HDDC3: variants seen among roughly 807,000 people sequenced by gnomAD.
The protein encoded by HDDC3 is HD domain containing 3.
Under a neutral mutation model 19.1 loss-of-function variants are expected in HDDC3, and 18 were observed. That is an observed-to-expected ratio of 0.94 (90% CI 0.65 to 1.40). The LOEUF is 1.40. HDDC3 is among the 40% of genes most tolerant of loss of function. The probability of loss-of-function intolerance (pLI) is 0.00; values close to 1 mark genes in which losing one functional copy is unlikely to be tolerated. For missense variants in HDDC3, 250 were observed against 228.9 expected, an observed-to-expected ratio of 1.09 and a Z score of -0.59; for synonymous variants, 107 against 99.4, an observed-to-expected ratio of 1.08 and a Z score of -0.46.
chr15:90,931,253 T>C lies in HDDC3; in HGVS notation c.*22A>G. ...GCCTGAACGAGGCTGGAGTTGTGCC[T>C]CTGGATAGCTTCAAGCACTGATCAG... On this transcript the variant is annotated 3_prime_UTR_variant, in exon 4 of 4. Transcript: ENST00000394272. 1 of 1,550,678 alleles carries C rather than the reference T, an allele frequency of 6.4e-7. No individual in the cohort carries two copies. Among genetic ancestry groups the C allele is most frequent in the Non-Finnish European group, 8.7e-7 (1 of 1,146,968 alleles).
At position 90,931,780 on chromosome 15, in the gene HDDC3, A is replaced by G; in HGVS notation, c.333T>C (p.Ser111=). ...KRLQVEQAPH[S]SPGAKLVKLA... is the part of the protein sequence containing the mutation. ...GCTTCACCAGTTTGGCCCCGGGGCT[A>G]CTGTGGGGCGCTTGCTCCACCTGCA... The change falls in exon 3 of 4, where the codon AGT becomes AGC. Residue 111 remains serine (S), a synonymous_variant. Coordinates refer to ENST00000394272, the MANE Select transcript of HDDC3 (RefSeq NM_001286451.2). The G allele has an allele frequency of 6.2e-7, 1 of 1,614,106 alleles. No individual in the cohort carries two copies. Among genetic ancestry groups the G allele is most frequent in the South Asian group, 1.1e-5 (1 of 91,076 alleles).
At position 90,932,479 on chromosome 15, in the gene HDDC3, T is replaced by G. The variant is rs1358878150; in HGVS notation, c.62A>C (p.Gln21Pro). 9 of 1,312,154 alleles carry G rather than the reference T, an allele frequency of 6.9e-6. No homozygotes were observed. Among genetic ancestry groups the G allele is most frequent in the Non-Finnish European group, 8.7e-6 (9 of 1,031,244 alleles). The allele number at this position is 1,312,154 out of a possible 1,614,324, so 81.3% of individuals were successfully genotyped here. A position where few individuals can be genotyped will look rare whatever the true frequency, so the allele number is the denominator to read the frequency against. ...CCCCTCGGGGTCCTTCCGCCGCTGC[T>G]GCCGGTGCTTGCGAGCCGCGAAGTC... Reference protein sequence around the residue: ...AADFAARKHRQQRRKDPEGTP... With the variant: ...AADFAARKHRPQRRKDPEGTP... Residue 21 changes from glutamine (Q) to proline (P), a missense_variant, in exon 1 of 4, where the codon CAG becomes CCG. Transcript: ENST00000394272.
chr15:90,931,751 G>A lies in HDDC3; in HGVS notation c.362C>T (p.Ala121Val). 6.2e-7 allele frequency: 1 copy of A among 1,614,128 alleles called. No individual in the cohort carries two copies. The highest frequency in any genetic ancestry group is 1.1e-5 in the South Asian group (1 of 91,088). ...SSPGAKLVKL[A>V]DKLYNLRDLN... Reference sequence around the variant, plus strand: ...GTCCCTCAGATTGTACAGCTTGTCTGCCAGCTTCACCAGTTTGGCCCCGGG... The same window carrying A: ...GTCCCTCAGATTGTACAGCTTGTCTACCAGCTTCACCAGTTTGGCCCCGGG... Residue 121 changes from alanine (A) to valine (V), a missense_variant, in exon 3 of 4, where the codon GCA becomes GTA. Ala to Val is a moderately conservative substitution (Grantham distance 64, BLOSUM62 0). Coordinates refer to ENST00000394272, the MANE Select transcript of HDDC3 (RefSeq NM_001286451.2).
chr15:90,932,490 G>T lies in HDDC3; in HGVS notation c.51C>A (p.Arg17=). The change falls in exon 1 of 4, where the codon CGC becomes CGA. Residue 17 remains arginine, a synonymous_variant. Transcript: ENST00000394272. The stretch of plus-strand genomic sequence containing the variant: ...CCTTCCGCCGCTGCTGCCGGTGCTT[G>T]CGAGCCGCGAAGTCGGCAGCCTCCA... ...QLLEAADFAA[R]KHRQQRRKDP... 2 of 1,309,356 alleles carry T rather than the reference G, an allele frequency of 1.5e-6. No homozygotes were observed. The highest frequency in any genetic ancestry group is 9.7e-7 in the Non-Finnish European group (1 of 1,029,906). 81.1% of individuals were successfully genotyped at this position (1,309,356 alleles called of 1,614,324 possible).
At chr15:90,931,631 G>T in intron 3 of HDDC3, 73 bp downstream of exon 3, 1 of 1,613,882 alleles carries the variant, frequency 6.2e-7, no homozygotes, top group Non-Finnish European at 8.5e-7. Context: ...TTTTTCAGGG[G>T]AACTGACCAA....
Position 90,930,139 on chromosome 15 carries a change from C to T in HDDC3, c.*1136G>A, listed in dbSNP as rs1161004786. The T allele has an allele frequency of 6.6e-6, 1 of 152,154 alleles. No individual in the cohort carries two copies. The highest frequency in any genetic ancestry group is 1.5e-5 in the Non-Finnish European group (1 of 68,016). 9.4% of individuals were successfully genotyped at this position (152,154 alleles called of 1,614,324 possible). A position where few individuals can be genotyped will look rare whatever the true frequency, so the allele number is the denominator to read the frequency against. ...CGACCGCCGGGCTCCCGGGGTCGGACAGCCCCGGGCCACTTCCGGGCCTTC... is the reference window on the plus strand; with the variant it reads ...CGACCGCCGGGCTCCCGGGGTCGGATAGCCCCGGGCCACTTCCGGGCCTTC... On this transcript the variant is annotated 3_prime_UTR_variant, in exon 4 of 4. Transcript: ENST00000394272.
chr15:90,931,176 G>T lies in HDDC3; in HGVS notation c.*99C>A. ...TTTTTTGGCCTCTAATATCTGGGAAGGATGGAGGGAGCTCAGGAGACACAG... is the reference window on the plus strand; with the variant it reads ...TTTTTTGGCCTCTAATATCTGGGAATGATGGAGGGAGCTCAGGAGACACAG... On this transcript the variant is annotated 3_prime_UTR_variant, in exon 4 of 4. Transcript: ENST00000394272. 1 of 1,401,898 alleles carries T rather than the reference G, an allele frequency of 7.1e-7. No homozygotes were observed. The highest frequency in any genetic ancestry group is 9.7e-7 in the Non-Finnish European group (1 of 1,029,126). 86.8% of individuals were successfully genotyped at this position (1,401,898 alleles called of 1,614,324 possible). A position where few individuals can be genotyped will look rare whatever the true frequency, so the allele number is the denominator to read the frequency against.
At position 90,931,273 on chromosome 15, in the gene HDDC3, G is replaced by A; in HGVS notation, c.*2C>T. On this transcript the variant is annotated 3_prime_UTR_variant, in exon 4 of 4. Coordinates refer to ENST00000394272, the MANE Select transcript of HDDC3 (RefSeq NM_001286451.2). ...GTGCCTCTGGATAGCTTCAAGCACT[G>A]ATCAGATTGTCAGCCCCCGCTGCTT... 6.4e-7 allele frequency: 1 copy of A among 1,550,596 alleles called. No homozygotes were observed. Among genetic ancestry groups the A allele is most frequent in the Non-Finnish European group, 8.7e-7 (1 of 1,146,852 alleles).
chr15:90,931,988 T>C (rs1447179240), intron 2 of HDDC3, 44 bp from the exon 3 acceptor site: 1 of 1,613,730 alleles, frequency 6.2e-7, no homozygotes, highest in African/African-American at 1.3e-5. Flanking sequence ...CAGCCAAGGG[T>C]TGCCCATTGC....
chr15:90,932,112 T>C lies in HDDC3; in HGVS notation c.113-2A>G, dbSNP rs368111215. 6.3e-7 allele frequency: 1 copy of C among 1,588,432 alleles called. No homozygotes were observed. The highest frequency in any genetic ancestry group is 8.6e-7 in the Non-Finnish European group (1 of 1,164,622). On this transcript the variant is annotated splice_acceptor_variant, in intron 1 of 3. Transcript: ENST00000394272. LOFTEE classifies it high-confidence loss of function. ...CGTGGGTCAGGATCCGTGCCACACC[T>C]GACGGGGAGGGGCAAAGCAGGAAGT... is the stretch of plus-strand genomic sequence containing the variant.
Position 90,932,064 on chromosome 15 carries a change from C to T in HDDC3, c.159G>A (p.Val53=). The T allele has an allele frequency of 6.2e-7, 1 of 1,612,532 alleles. No homozygotes were observed. The highest frequency in any genetic ancestry group is 8.5e-7 in the Non-Finnish European group (1 of 1,179,132). ...GAAGGGGGAAAGTTACCTGTAACAC[C>T]ACAATGTCAGTGATTCCCGCCTCGT... is the stretch of plus-strand genomic sequence containing the variant. The part of the protein sequence containing the change: ...LTHEAGITDI[V]VLQAALLHDT... Residue 53 remains valine, a synonymous_variant, in exon 2 of 4, where the codon GTG becomes GTA. Coordinates refer to ENST00000394272, the MANE Select transcript of HDDC3 (RefSeq NM_001286451.2).
intron 3 of HDDC3, 49 bp from the exon 4 acceptor site, chr15:90,931,454 C>T (rs1473739575): frequency 3.1e-6 from 5 of 1,613,550 alleles, no homozygotes; most frequent in Non-Finnish European, 3.4e-6. Flanking sequence ...AAGGAAAGCA[C>T]TGCCTTTTCC....
chr15:90,931,451 G>T (rs570312956), intron 3 of HDDC3, 46 bp from the exon 4 acceptor site: 3 of 1,613,328 alleles, frequency 1.9e-6, no homozygotes, highest in South Asian at 1.1e-5. Context: ...GTCAAGGAAA[G>T]CACTGCCTTT....
chr15:90,931,858 C>T lies in HDDC3; in HGVS notation c.255G>A (p.Leu85=). ...ELHFGAQVRR[L]VEEVTDDKTL... The stretch of plus-strand genomic sequence containing the variant: ...TCTTGTCATCTGTTACCTCCTCCAC[C>T]AGGCGCCGCACTTGTGCCCCAAAGT... Residue 85 remains leucine, a synonymous_variant, in exon 3 of 4, where the codon CTG becomes CTA. Transcript: ENST00000394272. The T allele has an allele frequency of 6.2e-7, 1 of 1,614,164 alleles. No homozygotes were observed. Among genetic ancestry groups the T allele is most frequent in the East Asian group, 2.2e-5 (1 of 44,882 alleles).
chr15:90,932,360 C>T, intron 1 of HDDC3, 69 bp downstream of exon 1: 1 of 974,036 alleles, frequency 1.0e-6, no homozygotes, highest in Non-Finnish European at 1.4e-6. Context: ...GGTGCACGCC[C>T]CCCACGTTTC....
intron 1 of HDDC3, 127 bp downstream of exon 1, chr15:90,932,302 T>C (rs2035828724): frequency 2.5e-6 from 2 of 812,526 alleles, no homozygotes; most frequent in Middle Eastern, 3.3e-4. Context: ...GTTATGAGGC[T>C]TAAACGGTAT....
rs768784013 is a variant in HDDC3 at position 90,931,537 on chromosome 15, G to A, written c.410-132C>T. The A allele has an allele frequency of 1.4e-5, 22 of 1,613,996 alleles. No homozygotes were observed. The Admixed American group carries it at 3.5e-4, about 26-fold the overall frequency. ...GAGCTGTCCTGAAAACTTCCCCTTG[G>A]CCCAGCTATTGTATTTTTACTGTAT... On this transcript the variant is annotated intron_variant, in intron 3 of 3. Transcript: ENST00000394272.
chr15:90,932,076 G>T lies in HDDC3; in HGVS notation c.147C>A (p.Ile49=). 6.2e-7 allele frequency: 1 copy of T among 1,610,394 alleles called. No individual in the cohort carries two copies. The highest frequency in any genetic ancestry group is 8.5e-7 in the Non-Finnish European group (1 of 1,177,836). The part of the protein sequence containing the change: ...VARILTHEAG[I]TDIVVLQAAL... ...TTACCTGTAACACCACAATGTCAGT[G>T]ATTCCCGCCTCGTGGGTCAGGATCC... The change falls in exon 2 of 4, where the codon ATC becomes ATA. Residue 49 remains isoleucine (I), a synonymous_variant. Transcript: ENST00000394272.
intron 1 of HDDC3, 135 bp from the exon 2 acceptor site, chr15:90,932,245 C>CT: frequency 1.0e-6 from 1 of 999,528 alleles, no homozygotes; most frequent in Non-Finnish European, 1.4e-6. Flanking sequence ...ACCTTACCCT[C>CT]TGGGAGCCAA....
Sources: gnomAD v4.1 joint callset for allele counts on GRCh38, gnomAD v4.1.1 for gene constraint, MANE v1.5 for transcripts, NCBI Gene and HGNC (gene_info 2026-07-23, HGNC 2026-07-21) for gene names.